Variants in CDHR2 observed in about 807,000 individuals in gnomAD.
The protein encoded by CDHR2 is cadherin-related family member 2.
Under a neutral mutation model 138.6 loss-of-function variants are expected in CDHR2, and 104 were observed. The observed-to-expected ratio is 0.75, with a 90% CI of 0.64 to 0.88. CDHR2 has a LOEUF of 0.88. CDHR2 is among the 40% of genes least tolerant of loss of function. The pLI, the probability that CDHR2 is intolerant of heterozygous loss-of-function variation, is 0.00. For missense variants in CDHR2, 1,624 were observed against 1,727.6 expected, an observed-to-expected ratio of 0.94 and a Z score of 1.06; for synonymous variants, 755 against 742.8, an observed-to-expected ratio of 1.02 and a Z score of -0.27.
At chr5:176,565,919 G>T (rs888757082) in intron 3 of CDHR2, among the ~76,000 whole-genome samples, 176 bp downstream of exon 3, 2 of 152,168 alleles carry the variant, frequency 1.3e-5, no homozygotes, top group Non-Finnish European at 2.9e-5. Context: ...CAGCTTCTGG[G>T]TCAAGAGCAG....
intron 18 of CDHR2, 28 bp from the exon 19 acceptor site, chr5:176,584,382 C>T (rs772185097): frequency 6.2e-7 from 1 of 1,603,444 alleles, no homozygotes; most frequent in South Asian, 1.1e-5. Context: ...GGTCAGGAGT[C>T]CTTCTGAGCT....
Position 176,591,475 on chromosome 5 carries a change from A to C in CDHR2, c.3725A>C (p.Asp1242Ala). The C allele has an allele frequency of 6.2e-7, 1 of 1,611,948 alleles. No homozygotes were observed. The highest frequency in any genetic ancestry group is 8.5e-7 in the Non-Finnish European group (1 of 1,178,320). Residue 1242 changes from aspartate (D) to alanine (A), a missense_variant, in exon 30 of 32, where the codon GAC (aspartate) becomes GCC (alanine). By Grantham distance (126) the Asp-to-Ala change is moderately radical. Coordinates refer to ENST00000261944, the MANE Select transcript of CDHR2 (RefSeq NM_017675.6). ...TACCTCTCTCCCTCCAATGACCTGGACTCTGTCAGGTGAGCAGTGCCCCTC... is the reference window on the plus strand; with the variant it reads ...TACCTCTCTCCCTCCAATGACCTGGCCTCTGTCAGGTGAGCAGTGCCCCTC... ...LEYLSPSNDL[D>A]SVSVNSLDDN...
Position 176,575,767 on chromosome 5 carries a change from G to A in CDHR2, c.888G>A (p.Val296=). The A allele has an allele frequency of 6.4e-7, 1 of 1,567,392 alleles. No individual in the cohort carries two copies. The highest frequency in any genetic ancestry group is 1.2e-5 in the South Asian group (1 of 86,248). Residue 296 remains valine (V), a synonymous_variant, in exon 11 of 32, where the codon GTG becomes GTA. Transcript: ENST00000261944. The stretch of plus-strand genomic sequence containing the variant: ...GGTTTGACATCGGGGCAGATGGGGT[G>A]ATCAGGGTCAACGGCTCCCTGGACC... ...PGWFDIGADG[V]IRVNGSLDRE...
At position 176,581,485 on chromosome 5, in the gene CDHR2, A is replaced by G. The variant is rs774152474; in HGVS notation, c.1961A>G (p.Asp654Gly). 1.2e-6 allele frequency: 2 copies of G among 1,613,612 alleles called. No homozygotes were observed. The highest frequency in any genetic ancestry group is 8.5e-7 in the Non-Finnish European group (1 of 1,179,934). ...GGGCCCCTGGACAGAGAGGCCATCG[A>G]CCCCGCCCTGGAGGGCCGCATTGTG... is the stretch of plus-strand genomic sequence containing the variant. ...NLGPLDREAI[D>G]PALEGRIVLT... The change falls in exon 17 of 32, where the codon GAC (aspartate) becomes GGC (glycine). Residue 654 changes from aspartate to glycine, a missense_variant. By Grantham distance (94) the Asp-to-Gly change is moderately conservative. Coordinates refer to ENST00000261944, the MANE Select transcript of CDHR2 (RefSeq NM_017675.6).
At chr5:176,567,524 C>T (rs1422898560) in intron 3 of CDHR2, among the ~76,000 whole-genome samples, 1 of 151,894 alleles carries the variant, frequency 6.6e-6, no homozygotes, top group Non-Finnish European at 1.5e-5. Context: ...TGGAGTCTCG[C>T]TCTGTCACCC....
intron 1 of CDHR2, among the ~76,000 whole-genome samples, chr5:176,549,882 G>T (rs1257014155): frequency 6.6e-6 from 1 of 152,236 alleles, no homozygotes; most frequent in Non-Finnish European, 1.5e-5. Flanking sequence ...ATGGGGATGA[G>T]AAGAGTTCCA....
intron 1 of CDHR2, among the ~76,000 whole-genome samples, chr5:176,557,837 A>G (rs1252866500): frequency 6.6e-6 from 1 of 151,660 alleles, no homozygotes; most frequent in East Asian, 1.9e-4. Flanking sequence ...CCTCTCAAAT[A>G]GCTGGGGTTA....
At chr5:176,571,156 C>T in intron 5 of CDHR2, 57 bp from the exon 6 acceptor site, 1 of 1,135,282 alleles carries the variant, frequency 8.8e-7, no homozygotes, top group Non-Finnish European at 1.3e-6. Flanking sequence ...ATACTTGCAA[C>T]TTTTCTGGTG....
chr5:176,568,931 C>T (rs753932001), intron 4 of CDHR2, 29 bp from the exon 5 acceptor site: 4 of 1,613,502 alleles, frequency 2.5e-6, no homozygotes, highest in Admixed American at 3.3e-5. Context: ...GGGGGCTCAC[C>T]ACCGGCCCCT....
intron 30 of CDHR2, 121 bp downstream of exon 30, chr5:176,591,605 AGTAGTGGTAGTTATGG>A: frequency 1.3e-6 from 1 of 741,656 alleles, no homozygotes; most frequent in Non-Finnish European, 2.3e-6. Flanking sequence ...TGGTCATGGT[AGTAGTGGTAGTTATGG>A]TGGTGGTGGT....
In CDHR2 at chr5:176,590,452, G is replaced by A; in HGVS notation, c.3381G>A (p.Leu1127=). The A allele has an allele frequency of 6.2e-7, 1 of 1,614,076 alleles. No individual in the cohort carries two copies. The highest frequency in any genetic ancestry group is 8.5e-7 in the Non-Finnish European group (1 of 1,179,970). The change falls in exon 27 of 32, where the codon CTG becomes CTA. Residue 1127 remains leucine (L), a synonymous_variant. Transcript: ENST00000261944. ...SVMIRNDQDS[L]TQLLQLGLVV... The stretch of plus-strand genomic sequence containing the variant: ...TGATCCGGAATGATCAGGACTCGCT[G>A]ACGCAGCTGCTGCAGCTGGGGCTGG...
chr5:176,574,237 C>G (rs1055353648), intron 7 of CDHR2, 65 bp downstream of exon 7: 3 of 1,203,600 alleles, frequency 2.5e-6, no homozygotes, highest in African/African-American at 1.5e-5. Context: ...CACAGACAAC[C>G]CACAGGGCCT....
intron 1 of CDHR2, among the ~76,000 whole-genome samples, chr5:176,557,202 TG>T: frequency 6.6e-6 from 1 of 151,138 alleles, no homozygotes; most frequent in East Asian, 1.9e-4. Flanking sequence ...AATATTTTGT[TG>T]TTTTGCTTTT....
chr5:176,588,420 AGTGTGT>A (rs10577284), intron 21 of CDHR2, among the ~76,000 whole-genome samples: 1 of 146,952 alleles, frequency 6.8e-6, no homozygotes. Context: ...TGAGGGTGTG[AGTGTGT>A]GTGTCAGGAT....
chr5:176,562,901 A>C (rs563665701), intron 1 of CDHR2, among the ~76,000 whole-genome samples: 1 of 152,184 alleles, frequency 6.6e-6, no homozygotes, highest in Non-Finnish European at 1.5e-5. Flanking sequence ...TTAACATGTA[A>C]ATGTATTACA....
chr5:176,547,265 C>G (rs1280088532), upstream of CDHR2, among the ~76,000 whole-genome samples: 1 of 152,156 alleles, frequency 6.6e-6, no homozygotes, highest in Non-Finnish European at 1.5e-5. Context: ...GCGCGAGCCA[C>G]CAGCCTATGC....
chr5:176,588,947 G>A, intron 21 of CDHR2, 84 bp from the exon 22 acceptor site: 5 of 1,458,432 alleles, frequency 3.4e-6, no homozygotes, highest in Non-Finnish European at 4.7e-6. Flanking sequence ...AGCCTCCCAG[G>A]CCACCCTTGC....
intron 30 of CDHR2, among the ~76,000 whole-genome samples, chr5:176,592,036 G>C (rs1185511316): frequency 1.3e-5 from 2 of 149,080 alleles, no homozygotes; most frequent in Non-Finnish European, 3.0e-5. Context: ...GGTGGCAATG[G>C]TGATGGTGGT....
In CDHR2 at chr5:176,584,427, G is replaced by C; in HGVS notation, c.2146G>C (p.Val716Leu). Residue 716 changes from valine (V) to leucine (L), a missense_variant, in exon 19 of 32, where the codon GTG (valine) becomes CTG (leucine). Val to Leu is a conservative substitution (Grantham distance 32). Transcript: ENST00000261944. Reference protein sequence around the residue: ...EEDPGVLVGVVKAWDADQTEA... With the variant: ...EEDPGVLVGVLKAWDADQTEA... ...GTCCACAGGAGTGCTAGTGGGCGTG[G>C]TGAAGGCCTGGGACGCGGACCAGAC... The C allele has an allele frequency of 1.3e-6, 2 of 1,598,904 alleles. No individual in the cohort carries two copies. Among genetic ancestry groups the C allele is most frequent in the Non-Finnish European group, 1.7e-6 (2 of 1,170,570 alleles).
Sources: allele counts gnomAD v4.1 joint callset (sites outside exome capture counted in the v4.1 genomes callset), GRCh38; gene constraint gnomAD v4.1.1; transcripts MANE v1.5; gene names NCBI Gene and HGNC (gene_info 2026-07-23, HGNC 2026-07-21).